WBP11: variants seen among roughly 807,000 people sequenced by gnomAD.
WBP11 encodes the protein WW domain-binding protein 11.
A neutral mutation model predicts 66.7 loss-of-function variants in WBP11; 12 were observed. The ratio of observed to expected loss-of-function variants is 0.18; its 90% CI spans 0.12 to 0.29. The LOEUF is 0.29. Among genes scored for constraint, WBP11 ranks in the 10% least tolerant of loss-of-function variants. The pLI is 1.00. For synonymous variants in WBP11, 255 were observed against 273.8 expected, an observed-to-expected ratio of 0.93 and a Z score of 0.68; for missense variants, 555 against 818.3, an observed-to-expected ratio of 0.68 and a Z score of 3.93.
chr12:14,788,989 C>T lies in WBP11; in HGVS notation c.1454G>A (p.Arg485His). Residue 485 changes from arginine (R) to histidine (H), a missense_variant, in exon 11 of 12, where the codon CGT becomes CAT. Arg to His is a conservative substitution (Grantham distance 29). Coordinates refer to ENST00000261167, the MANE Select transcript of WBP11 (RefSeq NM_016312.3). ...PPGLPPGPPP[R>H]GPPPRLPPPA... ...GGGAGGTAGCCTTGGTGGGGGTCCA[C>T]GAGGAGGGGGACCAGGAGGCAGACC... The T allele has an allele frequency of 1.4e-6, 2 of 1,464,688 alleles. No homozygotes were observed. The highest frequency in any genetic ancestry group is 8.9e-7 in the Non-Finnish European group (1 of 1,117,862). 90.7% of individuals were successfully genotyped at this position (1,464,688 alleles called of 1,614,324 possible).
rs1949922591 is a variant in WBP11, at chr12:14,798,734, C to T, written c.190+901G>A. ...ATCATTGAGGAGTTTCATTCCATCTCTTTTACTTACTACTCTGTTTTTGGG... is the reference window on the plus strand; with the variant it reads ...ATCATTGAGGAGTTTCATTCCATCTTTTTTACTTACTACTCTGTTTTTGGG... On this transcript the variant is annotated intron_variant, in intron 4 of 11. Transcript: ENST00000261167. Among the ~76,000 whole-genome samples, 3 of 152,016 alleles carry T rather than the reference C, an allele frequency of 2.0e-5. No homozygotes were observed. In the South Asian group the frequency reaches 6.2e-4, roughly 31 times the overall value.
At position 14,789,136 on chromosome 12, in the gene WBP11, GAA is replaced by G; in HGVS notation, c.1310-5_1310-4del. ...TGGTCTCAGGAATGGAGGAGCTCCT[GAA>G]AAGAGAAAAATGATAAATTAATGTC... On this transcript the variant is annotated splice_polypyrimidine_tract_variant and splice_region_variant and intron_variant, in intron 10 of 11. Coordinates refer to ENST00000261167, the MANE Select transcript of WBP11 (RefSeq NM_016312.3). The G allele has an allele frequency of 6.5e-7, 1 of 1,530,444 alleles. No individual in the cohort carries two copies. The highest frequency in any genetic ancestry group is 8.7e-7 in the Non-Finnish European group (1 of 1,149,616). The allele number at this position is 1,530,444 out of a possible 1,614,324, so 94.8% of individuals were successfully genotyped here.
In WBP11 at chr12:14,787,175, C is replaced by T; in HGVS notation, c.1816G>A (p.Val606Met). 1 of 1,613,882 alleles carries T rather than the reference C, an allele frequency of 6.2e-7. No individual in the cohort carries two copies. The highest frequency in any genetic ancestry group is 2.2e-5 in the East Asian group (1 of 44,876). Residue 606 changes from valine to methionine, a missense_variant, in exon 12 of 12, where the codon GTG becomes ATG. Physicochemically the swap from Val to Met is conservative, Grantham distance 21. This residue lies in a region of WBP11 where 50 missense variants were observed against 68.3 expected (regional missense o/e 0.73). Transcript: ENST00000261167. The stretch of plus-strand genomic sequence containing the variant: ...TTGGGTGCTGCTTTGGCAAGAGGCA[C>T]AGCAGAATCATCCTCTGACTTTCTT... ...PQRKSEDDSA[V>M]PLAKAAPKSG...
Position 14,791,266 on chromosome 12 carries a change from C to G in WBP11, c.918G>C (p.Leu306=). Reference sequence around the variant, plus strand: ...CAGGCATATCTGCAAACCGTACACTCAGACCTAAGGGGACAAAGGAGGGAG... The same window carrying G: ...CAGGCATATCTGCAAACCGTACACTGAGACCTAAGGGGACAAAGGAGGGAG... ...RDNNEEKKSG[L]SVRFADMPGK... is the part of the protein sequence containing the mutation. The change falls in exon 9 of 12, where the codon CTG becomes CTC. Residue 306 remains leucine (L), a synonymous_variant. Transcript: ENST00000261167. 1 of 1,613,972 alleles carries G rather than the reference C, an allele frequency of 6.2e-7. No individual in the cohort carries two copies. Among genetic ancestry groups the G allele is most frequent in the African/African-American group, 1.3e-5 (1 of 75,008 alleles).
chr12:14,794,681 A>G lies in WBP11; in HGVS notation c.577T>C (p.Leu193=), dbSNP rs759747582. 3.1e-6 allele frequency: 5 copies of G among 1,610,296 alleles called. No individual in the cohort carries two copies. The highest frequency in any genetic ancestry group is 1.6e-4 in the Middle Eastern group (1 of 6,066). ...LPLLGHGVPR[L]PPGRKPPGPP... ...CCAGGAGGTTTTCTGCCAGGGGGCA[A>G]ACGTGGAACACCATGTCCAAGAAGA... The change falls in exon 7 of 12, where the codon TTG becomes CTG. Residue 193 remains leucine, a synonymous_variant. Coordinates refer to ENST00000261167, the MANE Select transcript of WBP11 (RefSeq NM_016312.3).
Position 14,784,972 on chromosome 12 carries a change from A to G in WBP11, c.*2093T>C, listed in dbSNP as rs567115139. ...ATTTTCAGAAAATTATACTAGCAAT[A>G]TAAGGAAATGCCTTTATGATAAACT... On this transcript the variant is annotated 3_prime_UTR_variant, in exon 12 of 12. Coordinates refer to ENST00000261167, the MANE Select transcript of WBP11 (RefSeq NM_016312.3). 5.9e-5 allele frequency: 9 copies of G among 152,340 alleles called. No individual in the cohort carries two copies. The highest frequency in any genetic ancestry group is 2.2e-4 in the African/African-American group (9 of 41,572). The allele number at this position is 152,340 out of a possible 1,614,324, so 9.4% of individuals were successfully genotyped here.
At chr12:14,795,228 A>G in intron 5 of WBP11, 124 bp from the exon 6 acceptor site, 1 of 1,061,176 alleles carries the variant, frequency 9.4e-7, no homozygotes, top group African/African-American at 1.7e-5. Context: ...ATCACCAAAA[A>G]CCCCCAGAAA....
In WBP11 at chr12:14,794,591, G is replaced by C; in HGVS notation, c.667C>G (p.Leu223Val). ...QMYGRKVGFA[L>V]DLPPRRRDED... ...TCTCGCCTACGAGGGGGAAGATCTAGGGCAAAACCCACTTTACGGCCATAC... is the reference window on the plus strand; with the variant it reads ...TCTCGCCTACGAGGGGGAAGATCTACGGCAAAACCCACTTTACGGCCATAC... The change falls in exon 7 of 12, where the codon CTA (leucine) becomes GTA (valine). Residue 223 changes from leucine to valine, a missense_variant. Transcript: ENST00000261167. 1 of 1,614,048 alleles carries C rather than the reference G, an allele frequency of 6.2e-7. No homozygotes were observed. Among genetic ancestry groups the C allele is most frequent in the Non-Finnish European group, 8.5e-7 (1 of 1,180,012 alleles).
In WBP11 at chr12:14,791,218, C is replaced by G; in HGVS notation, c.966G>C (p.Lys322Asn). The change falls in exon 9 of 12, where the codon AAG becomes AAC. Residue 322 changes from lysine to asparagine, a missense_variant. Transcript: ENST00000261167. The stretch of plus-strand genomic sequence containing the variant: ...GAAGAGGAGTCAGTTCCTTCATGTT[C>G]TTCTTTTTCTTCCTTGATTTTCCAG... Reference protein sequence around the residue: ...DMPGKSRKKKKNMKELTPLQA... With the variant: ...DMPGKSRKKKNNMKELTPLQA... 1 of 1,614,038 alleles carries G rather than the reference C, an allele frequency of 6.2e-7. No homozygotes were observed. The highest frequency in any genetic ancestry group is 8.5e-7 in the Non-Finnish European group (1 of 1,179,972).
chr12:14,801,107 A>C, intron 2 of WBP11: 1 of 482,692 alleles, frequency 2.1e-6, no homozygotes. Context: ...AGCCAATTCT[A>C]CTTTGCAAGT....
chr12:14,787,598 G>T, intron 11 of WBP11, 100 bp from the exon 12 acceptor site: 1 of 1,078,194 alleles, frequency 9.3e-7, no homozygotes, highest in Non-Finnish European at 1.2e-6. Context: ...TTAAATAAAT[G>T]GATAACAACT....
chr12:14,799,579 C>G, intron 4 of WBP11, 56 bp downstream of exon 4: 3 of 1,536,102 alleles, frequency 2.0e-6, no homozygotes, highest in Non-Finnish European at 2.7e-6. Flanking sequence ...TCACTCGTTA[C>G]CTGCCTGCCT....
intron 11 of WBP11, among the ~76,000 whole-genome samples, chr12:14,788,590 G>A (rs1255558018): frequency 6.6e-6 from 1 of 152,042 alleles, no homozygotes; most frequent in African/African-American, 2.4e-5. Flanking sequence ...AAGCCCACAA[G>A]AAAATCTGCA....
intron 2 of WBP11, 74 bp from the exon 3 acceptor site, chr12:14,800,857 G>C: frequency 5.3e-6 from 7 of 1,318,288 alleles, no homozygotes; most frequent in Non-Finnish European, 6.4e-6. Context: ...ATTTAATACA[G>C]GTAATTCTTT....
Position 14,794,557 on chromosome 12 carries a change from A to G in WBP11, c.701T>C (p.Met234Thr), listed in dbSNP as rs1230082038. The G allele has an allele frequency of 6.2e-7, 1 of 1,613,996 alleles. No homozygotes were observed. The highest frequency in any genetic ancestry group is 1.7e-5 in the Admixed American group (1 of 60,016). Residue 234 changes from methionine to threonine, a missense_variant, in exon 7 of 12, where the codon ATG becomes ACG. Met to Thr is a moderately conservative substitution (Grantham distance 81, BLOSUM62 -1). Around this residue, in one of 6 missense-constraint regions of WBP11, gnomAD observed 220 missense variants for 268.2 expected, o/e 0.82. Transcript: ENST00000261167. ...CTCACCAAGTTCAGGACTATATAAC[A>G]TGTCTTCATCTCGCCTACGAGGGGG... ...DLPPRRRDEDMLYSPELAQRG... is the reference protein window; with the variant it reads ...DLPPRRRDEDTLYSPELAQRG...
Position 14,803,439 on chromosome 12 carries a change from C to T in WBP11, c.-133G>A. On this transcript the variant is annotated 5_prime_UTR_variant, in exon 1 of 12. Coordinates refer to ENST00000261167, the MANE Select transcript of WBP11 (RefSeq NM_016312.3). ...TTCGTAAAGGCCTTCAACTGGGTCT[C>T]TCGGTCAACCCCTCAGCTACCGCCA... 2.5e-6 allele frequency: 1 copy of T among 398,772 alleles called. No homozygotes were observed. The highest frequency in any genetic ancestry group is 4.4e-6 in the Non-Finnish European group (1 of 226,162). 24.7% of individuals were successfully genotyped at this position (398,772 alleles called of 1,614,324 possible).
Position 14,787,470 on chromosome 12 carries a change from C to A in WBP11, c.1521G>T (p.Met507Ile). Residue 507 changes from methionine (M) to isoleucine (I), a missense_variant, in exon 12 of 12, where the codon ATG becomes ATT. By Grantham distance (10) the Met-to-Ile change is conservative. Transcript: ENST00000261167. ...PGIPPPRPGM[M>I]RPPLVPPLGP... ...CAAGGGGAGGCACCAAAGGTGGGCG[C>A]ATCATGCCAGGACGAGGTGGAGGAA... The A allele has an allele frequency of 1.3e-6, 2 of 1,517,646 alleles. No individual in the cohort carries two copies. Among genetic ancestry groups the A allele is most frequent in the Non-Finnish European group, 1.8e-6 (2 of 1,132,800 alleles). 94.0% of individuals were successfully genotyped at this position (1,517,646 alleles called of 1,614,324 possible).
rs927600114 is a variant in WBP11 at position 14,784,685 on chromosome 12, G to A, written c.*2380C>T. 1.4e-4 allele frequency: 21 copies of A among 152,264 alleles called. No homozygotes were observed. Among genetic ancestry groups the A allele is most frequent in the African/African-American group, 5.1e-4 (21 of 41,536 alleles). The allele number at this position is 152,264 out of a possible 1,614,324, so 9.4% of individuals were successfully genotyped here. The stretch of plus-strand genomic sequence containing the variant: ...ATCCAGGGCTTCATGCTGATTCCAT[G>A]ACATGGCAGAGTATTATTGTGGTGA... On this transcript the variant is annotated 3_prime_UTR_variant, in exon 12 of 12. Coordinates refer to ENST00000261167, the MANE Select transcript of WBP11 (RefSeq NM_016312.3).
chr12:14,802,837 A>C (rs1055803569), intron 1 of WBP11, among the ~76,000 whole-genome samples: 19 of 152,258 alleles, frequency 1.2e-4, no homozygotes, highest in Admixed American at 5.9e-4. Context: ...CCTCAGGCTC[A>C]TGTTCTGAAT....
Sources: gnomAD v4.1 joint callset for allele counts (sites outside exome capture counted in the v4.1 genomes callset) on GRCh38, gnomAD v4.1.1 for gene constraint, gnomAD v4.1.1 regional missense constraint, MANE v1.5 for transcripts, NCBI Gene and HGNC (gene_info 2026-07-23, HGNC 2026-07-21) for gene names.